The following RUNX1 variants were observed in gnomAD, a reference collection of about 807,000 sequenced individuals.
RUNX1 encodes RUNX family transcription factor 1.
RUNX1 carries 19 observed loss-of-function variants against 42.8 expected under a neutral mutation model. That is an observed-to-expected ratio of 0.44 (90% CI 0.31 to 0.65). RUNX1 has a LOEUF of 0.65. Among genes scored for constraint, RUNX1 ranks in the 30% least tolerant of loss-of-function variants. RUNX1 has a pLI of 0.07. For synonymous variants in RUNX1, 271 were observed against 289.4 expected, an observed-to-expected ratio of 0.94 and a Z score of 0.64; for missense variants, 528 against 672.0, an observed-to-expected ratio of 0.79 and a Z score of 2.37.
chr21:34,950,149 A>T (rs543802822), intron 2 of RUNX1, among the ~76,000 whole-genome samples: 1 of 152,370 alleles, frequency 6.6e-6, no homozygotes, highest in East Asian at 1.9e-4. Flanking sequence ...AGAGAGACTG[A>T]TACAAAGTTA....
chr21:34,823,299 T>C (rs1474599317), intron 7 of RUNX1, among the ~76,000 whole-genome samples: 3 of 152,182 alleles, frequency 2.0e-5, no homozygotes, highest in Non-Finnish European at 4.4e-5. Context: ...CTGGACATTA[T>C]AGTGGCCCAA....
chr21:34,861,122 G>C (rs890513056), intron 5 of RUNX1, among the ~76,000 whole-genome samples: 2 of 152,162 alleles, frequency 1.3e-5, no homozygotes, highest in African/African-American at 4.8e-5. Flanking sequence ...CCATCAACTG[G>C]CCTGTCCCCA....
intron 2 of RUNX1, among the ~76,000 whole-genome samples, chr21:34,909,111 G>A (rs926883232): frequency 2.6e-5 from 4 of 152,124 alleles, no homozygotes; most frequent in African/African-American, 4.8e-5. Flanking sequence ...ACTAAAGGCC[G>A]CATTGCAGGT....
intron 2 of RUNX1, among the ~76,000 whole-genome samples, chr21:34,990,732 C>T (rs2146827700): frequency 6.6e-6 from 1 of 151,940 alleles, no homozygotes; most frequent in East Asian, 1.9e-4. Flanking sequence ...GCTGGGATTA[C>T]AGGCACCCAC....
chr21:35,049,181 C>T lies in RUNX1; in HGVS notation c.-73G>A, dbSNP rs2059422137. On this transcript the variant is annotated 5_prime_UTR_variant, in exon 1 of 9. Transcript: ENST00000675419. ...GGTGATGCTCACCACGCTGCGAAAC[C>T]CTGTGGTTTGCATTCAGTGTGATTC... 4 of 459,210 alleles carry T rather than the reference C, an allele frequency of 8.7e-6. No homozygotes were observed. In the South Asian group the frequency reaches 9.0e-5, roughly 10 times the overall value. 28.4% of individuals were successfully genotyped at this position (459,210 alleles called of 1,614,324 possible). A position where few individuals can be genotyped will look rare whatever the true frequency, so the allele number is the denominator to read the frequency against.
chr21:34,899,144 C>T (rs779524943), intron 2 of RUNX1, among the ~76,000 whole-genome samples: 3 of 152,148 alleles, frequency 2.0e-5, no homozygotes, highest in Non-Finnish European at 4.4e-5. Flanking sequence ...GAACTTCTGA[C>T]CTCAAGTGAT....
intron 2 of RUNX1, among the ~76,000 whole-genome samples, chr21:35,046,359 C>T (rs1474652989): frequency 6.6e-6 from 1 of 152,238 alleles, no homozygotes; most frequent in African/African-American, 2.4e-5. Flanking sequence ...AAATGAGTTA[C>T]AGGTTTCCTT....
At chr21:34,929,155 T>C (rs1359466068) in intron 2 of RUNX1, among the ~76,000 whole-genome samples, 1 of 152,136 alleles carries the variant, frequency 6.6e-6, no homozygotes, top group African/African-American at 2.4e-5. Flanking sequence ...GTAATGCAAA[T>C]TATTAGATGC....
intron 2 of RUNX1, among the ~76,000 whole-genome samples, chr21:34,940,116 G>T (rs1308413094): frequency 2.0e-5 from 3 of 152,014 alleles, no homozygotes; most frequent in Non-Finnish European, 2.9e-5. Context: ...AATTCCGATG[G>T]TTTTTTTGCT....
intron 5 of RUNX1, among the ~76,000 whole-genome samples, chr21:34,866,543 A>G (rs1191463618): frequency 6.6e-6 from 1 of 152,170 alleles, no homozygotes; most frequent in Non-Finnish European, 1.5e-5. Flanking sequence ...AGTATTTTTA[A>G]TTTTGATTTC....
intron 6 of RUNX1, among the ~76,000 whole-genome samples, chr21:34,846,030 A>C (rs2057309193): frequency 6.6e-6 from 1 of 152,030 alleles, no homozygotes; most frequent in Admixed American, 6.6e-5. Flanking sequence ...CAGAGGAGGG[A>C]GGCGGCCCCA....
rs2056392858 is a variant in RUNX1 at position 34,788,259 on chromosome 21, TTTTC to T, written c.*3872_*3875del. ...AAATAGGACCACATTTCCCGTTGCT[TTTTC>T]AGTAGATGTGTTATACCGTCATTTC... On this transcript the variant is annotated 3_prime_UTR_variant, in exon 9 of 9. Transcript: ENST00000675419. 1 of 233,594 alleles carries T rather than the reference TTTTC, an allele frequency of 4.3e-6. No homozygotes were observed. Among genetic ancestry groups the T allele is most frequent in the South Asian group, 1.8e-4 (1 of 5,532 alleles). 14.5% of individuals were successfully genotyped at this position (233,594 alleles called of 1,614,324 possible).
At chr21:34,877,213 T>C (rs1199733692) in intron 5 of RUNX1, among the ~76,000 whole-genome samples, 1 of 152,170 alleles carries the variant, frequency 6.6e-6, no homozygotes, top group Non-Finnish European at 1.5e-5. Context: ...ATACACTTTC[T>C]TGTCATTCTA....
At chr21:34,906,062 C>G (rs1349623959) in intron 2 of RUNX1, among the ~76,000 whole-genome samples, 2 of 152,170 alleles carry the variant, frequency 1.3e-5, no homozygotes, top group Non-Finnish European at 2.9e-5. Flanking sequence ...TGAAAATAAC[C>G]TGAATTCCCC....
intron 2 of RUNX1, among the ~76,000 whole-genome samples, chr21:35,023,080 C>G (rs1395309605): frequency 6.6e-6 from 1 of 151,666 alleles, no homozygotes; most frequent in African/African-American, 2.4e-5. Flanking sequence ...GTAGCTAGGA[C>G]TACAGGTGTA....
chr21:34,967,581 T>C (rs979978209), intron 2 of RUNX1, among the ~76,000 whole-genome samples: 1 of 152,078 alleles, frequency 6.6e-6, no homozygotes, highest in Non-Finnish European at 1.5e-5. Context: ...TCTAATGTAG[T>C]GTTTTAAAGA....
chr21:34,987,379 G>T (rs2058897650), intron 2 of RUNX1, among the ~76,000 whole-genome samples: 1 of 152,200 alleles, frequency 6.6e-6, no homozygotes, highest in South Asian at 2.1e-4. Flanking sequence ...GATCTTCGGG[G>T]CTCCAGACAG....
intron 6 of RUNX1, among the ~76,000 whole-genome samples, chr21:34,849,304 A>AAT (rs1555892679): frequency 7.7e-5 from 3 of 39,162 alleles, no homozygotes; most frequent in Non-Finnish European, 1.4e-4. Flanking sequence ...TAAAATATAT[A>AAT]ATATATATTA....
intron 6 of RUNX1, among the ~76,000 whole-genome samples, chr21:34,840,896 T>C (rs1371621395): frequency 6.6e-6 from 1 of 152,216 alleles, no homozygotes; most frequent in Non-Finnish European, 1.5e-5. Context: ...ACAGAGCCTT[T>C]CGTGCTACCC....
Sources: gnomAD v4.1 joint callset for allele counts (sites outside exome capture counted in the v4.1 genomes callset) on GRCh38, gnomAD v4.1.1 for gene constraint, MANE v1.5 for transcripts, NCBI Gene and HGNC (gene_info 2026-07-23, HGNC 2026-07-21) for gene names.